CFAP210: variants seen among roughly 807,000 people sequenced by gnomAD.
CFAP210 encodes the protein cilia and flagella associated protein 210, also known as cilia- and flagella- associated protein 210.
At chr2:169,681,322 C>G in the CFAP210 span, 1 of 959,962 alleles carries the variant, frequency 1.0e-6, no homozygotes. Context: ...GGCATGATAA[C>G]TGGAAATTAT....
At chr2:169,676,552 TC>T in the CFAP210 span, among the ~76,000 whole-genome samples, 70 of 123,980 alleles carry the variant, frequency 5.6e-4, no homozygotes, top group Middle Eastern at 4.1e-3. Flanking sequence ...AGTCAACCAC[TC>T]CCCCTACCTG....
chr2:169,693,544 C>T, the CFAP210 span, among the ~76,000 whole-genome samples: 4 of 152,246 alleles, frequency 2.6e-5, no homozygotes, highest in Non-Finnish European at 4.4e-5. Flanking sequence ...CATGAAGATA[C>T]TTCAAATTGC....
chr2:169,671,498 C>T, the CFAP210 span, among the ~76,000 whole-genome samples: 4 of 152,150 alleles, frequency 2.6e-5, no homozygotes, highest in African/African-American at 7.2e-5. Flanking sequence ...GATGGAGTGT[C>T]GCTCTTGTTG....
the CFAP210 span, among the ~76,000 whole-genome samples, chr2:169,653,728 T>C: frequency 6.6e-6 from 1 of 152,180 alleles, no homozygotes; most frequent in Non-Finnish European, 1.5e-5. Context: ...GTTATCTTCT[T>C]TTTCCATTTG....
the CFAP210 span, among the ~76,000 whole-genome samples, chr2:169,661,910 G>C: frequency 6.6e-6 from 1 of 152,154 alleles, no homozygotes; most frequent in African/African-American, 2.4e-5. Context: ...TGGAGGCAGG[G>C]ACTAGAATGA....
chr2:169,660,588 T>TTA, the CFAP210 span, among the ~76,000 whole-genome samples: 278 of 140,706 alleles, frequency 2.0e-3, 1 homozygote, highest in African/African-American at 5.1e-3. Flanking sequence ...GTTGCTTATT[T>TTA]TATATATATA....
At chr2:169,679,680 C>CA in the CFAP210 span, among the ~76,000 whole-genome samples, 11,265 of 56,764 alleles carry the variant, frequency 0.2, 1,440 homozygotes, top group South Asian at 0.33. Flanking sequence ...GACTCCATCT[C>CA]AAAAAAAAAA....
the CFAP210 span, chr2:169,650,402 T>A: frequency 6.2e-7 from 1 of 1,606,360 alleles, no homozygotes; most frequent in Non-Finnish European, 8.5e-7. Flanking sequence ...TTCTCTTTTT[T>A]CCCATTCAGC....
the CFAP210 span, among the ~76,000 whole-genome samples, chr2:169,672,193 T>C: frequency 1.2e-4 from 19 of 152,232 alleles, no homozygotes; most frequent in Middle Eastern, 3.2e-3. Context: ...TAAACAAATA[T>C]ATAATAATAG....
At chr2:169,650,342 T>A in the CFAP210 span, 2 of 1,592,220 alleles carry the variant, frequency 1.3e-6, no homozygotes, top group African/African-American at 2.7e-5. Flanking sequence ...AATGGCTCGA[T>A]ATTCTGCAAT....
the CFAP210 span, among the ~76,000 whole-genome samples, chr2:169,691,830 C>G: frequency 2.0e-5 from 3 of 152,170 alleles, no homozygotes; most frequent in Non-Finnish European, 4.4e-5. Context: ...ATTCTGTAGT[C>G]TGTATTCTTT....
the CFAP210 span, among the ~76,000 whole-genome samples, chr2:169,650,734 C>CTCTG: frequency 6.8e-6 from 1 of 147,108 alleles, no homozygotes; most frequent in Non-Finnish European, 1.5e-5. Flanking sequence ...TATGTATAAT[C>CTCTG]TGTGTGTGTG....
chr2:169,653,052 A>ATATATATATG, the CFAP210 span, among the ~76,000 whole-genome samples: 4 of 107,174 alleles, frequency 3.7e-5, no homozygotes, highest in African/African-American at 1.4e-4. Flanking sequence ...ATATATATAT[A>ATATATATATG]TATATATATA....
chr2:169,693,519 A>G, the CFAP210 span, among the ~76,000 whole-genome samples: 2 of 152,242 alleles, frequency 1.3e-5, no homozygotes, highest in South Asian at 4.1e-4. Flanking sequence ...ATTGCTACAG[A>G]AGCTCGGGCA....
chr2:169,694,170 A>G, the CFAP210 span: 2 of 1,257,194 alleles, frequency 1.6e-6, no homozygotes, highest in Non-Finnish European at 2.3e-6. Context: ...TTCAAAAGGC[A>G]ACTGAAGCCC....
chr2:169,657,883 A>G, the CFAP210 span, among the ~76,000 whole-genome samples: 2 of 152,218 alleles, frequency 1.3e-5, no homozygotes, highest in Non-Finnish European at 2.9e-5. Context: ...GAATTCTATA[A>G]CCAATCAAAC....
At chr2:169,650,584 A>G in the CFAP210 span, 1 of 1,346,096 alleles carries the variant, frequency 7.4e-7, no homozygotes, top group Non-Finnish European at 9.6e-7. Flanking sequence ...AGCCAACATA[A>G]TTTAATTAGG....
At chr2:169,674,778 G>T in the CFAP210 span, 1 of 1,541,536 alleles carries the variant, frequency 6.5e-7, no homozygotes, top group Non-Finnish European at 8.7e-7. Flanking sequence ...GACTACAAAA[G>T]AAAAATTATA....
the CFAP210 span, among the ~76,000 whole-genome samples, chr2:169,653,716 G>C: frequency 4.7e-3 from 714 of 152,132 alleles, 4 homozygotes; most frequent in Non-Finnish European, 7.2e-3. Flanking sequence ...ATTGGTCTTC[G>C]TGTTATCTTC....
Sources: gnomAD v4.1 joint callset for allele counts (sites outside exome capture counted in the v4.1 genomes callset) on GRCh38, gnomAD v4.1.1 for gene constraint, MANE v1.5 for transcripts, NCBI Gene and HGNC (gene_info 2026-07-23, HGNC 2026-07-21) for gene names.